RABGAP1L: variants seen among roughly 807,000 people sequenced by gnomAD.
RABGAP1L encodes the protein rab GTPase-activating protein 1-like.
A neutral mutation model predicts 137.7 loss-of-function variants in RABGAP1L; 63 were observed. That is an observed-to-expected ratio of 0.46 (90% CI 0.37 to 0.56). RABGAP1L has a LOEUF of 0.56. Among genes scored for constraint, RABGAP1L ranks in the 20% least tolerant of loss-of-function variants. The pLI, the probability that RABGAP1L is intolerant of heterozygous loss-of-function variation, is 0.00. For synonymous variants in RABGAP1L, 431 were observed against 433.7 expected (o/e 0.99, Z 0.08); for missense variants, 1,095 against 1,244.0 (o/e 0.88, Z 1.80).
At chr1:174,488,858 T>C (rs1558276896) in intron 13 of RABGAP1L, among the ~76,000 whole-genome samples, 1 of 151,998 alleles carries the variant, frequency 6.6e-6, no homozygotes, top group Non-Finnish European at 1.5e-5. Context: ...GTTAATGTGC[T>C]GCACCCATTA....
chr1:174,387,886 AT>A (rs1194180013), intron 12 of RABGAP1L, among the ~76,000 whole-genome samples: 2 of 151,938 alleles, frequency 1.3e-5, no homozygotes, highest in African/African-American at 2.4e-5. Context: ...TACAATTCAA[AT>A]TTTTTTTATT....
intron 19 of RABGAP1L, among the ~76,000 whole-genome samples, chr1:174,886,960 C>T (rs1431967416): frequency 1.3e-5 from 2 of 152,176 alleles, no homozygotes; most frequent in African/African-American, 2.4e-5. Flanking sequence ...GCATGTGCCA[C>T]CACGCCCAGC....
Position 174,860,938 on chromosome 1 carries a change from G to C in RABGAP1L, c.2340+48978G>C, listed in dbSNP as rs534505161. 5.3e-5 allele frequency among the ~76,000 whole-genome samples: 8 copies of C among 152,076 alleles called. No homozygotes were observed. In the East Asian group the frequency reaches 1.5e-3, roughly 29 times the overall value. ...GTGTGTGTGTGTGTGTATGTGTGTG[G>C]TGGGAACACTTATGATCTAGCAAAT... On this transcript the variant is annotated intron_variant, in intron 19 of 25. Coordinates refer to ENST00000681986, the MANE Select transcript of RABGAP1L (RefSeq NM_001366446.1).
rs539874075 is a variant in RABGAP1L, at chr1:174,404,935, A to G, written c.1710+10790A>G. ...AATTCTCTGCTTTCTTGAGCATTAT[A>G]TGGACAGAAAAATTTTCCCTGCATT... On this transcript the variant is annotated intron_variant, in intron 13 of 25. Coordinates refer to ENST00000681986, the MANE Select transcript of RABGAP1L (RefSeq NM_001366446.1). 1.2e-4 allele frequency among the ~76,000 whole-genome samples: 18 copies of G among 152,320 alleles called. No individual in the cohort carries two copies. The South Asian group carries it at 2.3e-3, about 19-fold the overall frequency.
At chr1:174,672,927 C>G (rs951720912) in intron 14 of RABGAP1L, among the ~76,000 whole-genome samples, 1 of 152,104 alleles carries the variant, frequency 6.6e-6, no homozygotes, top group Admixed American at 6.5e-5. Context: ...CTCAGAGTTC[C>G]TAGTTCATGG....
intron 19 of RABGAP1L, among the ~76,000 whole-genome samples, chr1:174,836,368 A>G (rs1354058828): frequency 2.0e-5 from 3 of 152,138 alleles, no homozygotes; most frequent in African/African-American, 7.2e-5. Context: ...CTGACCCAGT[A>G]ATTCATTTCA....
chr1:174,177,353 T>C (rs1571386851), intron 1 of RABGAP1L, among the ~76,000 whole-genome samples: 1 of 152,178 alleles, frequency 6.6e-6, no homozygotes, highest in South Asian at 2.1e-4. Context: ...TAAATTTGTT[T>C]AAGTTTCTTG....
chr1:174,275,825 T>C lies in RABGAP1L; in HGVS notation c.1054-8T>C. The C allele has an allele frequency of 6.2e-7, 1 of 1,604,084 alleles. No individual in the cohort carries two copies. Reference sequence around the variant, plus strand: ...TTTTATCAGTAATTACTGTTTGAATTTTTATAGGAATCCATGGGAAAGAGC... The same window carrying C: ...TTTTATCAGTAATTACTGTTTGAATCTTTATAGGAATCCATGGGAAAGAGC... On this transcript the variant is annotated splice_polypyrimidine_tract_variant and splice_region_variant and intron_variant, in intron 8 of 25. Coordinates refer to ENST00000681986, the MANE Select transcript of RABGAP1L (RefSeq NM_001366446.1).
intron 13 of RABGAP1L, among the ~76,000 whole-genome samples, chr1:174,551,954 C>G (rs1055191914): frequency 6.6e-6 from 1 of 152,028 alleles, no homozygotes; most frequent in East Asian, 1.9e-4. Context: ...TCTTTGAAAA[C>G]CACAGACTAC....
At chr1:174,359,401 A>G (rs1683945124) in intron 11 of RABGAP1L, among the ~76,000 whole-genome samples, 1 of 152,180 alleles carries the variant, frequency 6.6e-6, no homozygotes, top group Non-Finnish European at 1.5e-5. Context: ...GTTTCTTCAG[A>G]GAGGAAGATA....
intron 18 of RABGAP1L, among the ~76,000 whole-genome samples, chr1:174,766,402 C>A (rs1182106348): frequency 1.3e-5 from 2 of 152,192 alleles, no homozygotes; most frequent in East Asian, 3.8e-4. Flanking sequence ...TGTCAAAAAT[C>A]AGTTGACCAT....
At chr1:174,487,760 C>A (rs568902982) in intron 13 of RABGAP1L, among the ~76,000 whole-genome samples, 24 of 152,076 alleles carry the variant, frequency 1.6e-4, no homozygotes, top group African/African-American at 5.1e-4. Flanking sequence ...GATTTAATTT[C>A]TTGCTTTTTA....
At chr1:174,661,699 G>A (rs958606955) in intron 14 of RABGAP1L, among the ~76,000 whole-genome samples, 7 of 152,132 alleles carry the variant, frequency 4.6e-5, no homozygotes, top group Admixed American at 6.5e-5. Flanking sequence ...TGTGTGTCTA[G>A]TAAGATATAC....
intron 10 of RABGAP1L, among the ~76,000 whole-genome samples, chr1:174,287,484 A>T (rs1047252747): frequency 6.6e-6 from 1 of 151,746 alleles, no homozygotes; most frequent in Non-Finnish European, 1.5e-5. Flanking sequence ...CCATTCAGTC[A>T]CTCTATATCT....
chr1:174,457,659 C>T (rs1468405841), intron 13 of RABGAP1L, among the ~76,000 whole-genome samples: 2 of 151,740 alleles, frequency 1.3e-5, no homozygotes, highest in Non-Finnish European at 2.9e-5. Context: ...TGTGCCACCA[C>T]GCCTAGCTAA....
chr1:174,532,914 T>C (rs1300785455), intron 13 of RABGAP1L, among the ~76,000 whole-genome samples: 1 of 152,186 alleles, frequency 6.6e-6, no homozygotes, highest in Non-Finnish European at 1.5e-5. Context: ...ATGATAAATA[T>C]CCATGTATCC....
In RABGAP1L at chr1:174,890,183, A is replaced by G. The variant is rs956021675; in HGVS notation, c.2341-67274A>G. Among the ~76,000 whole-genome samples the G allele has an allele frequency of 4.6e-5, 7 of 152,236 alleles. No individual in the cohort carries two copies. The East Asian group carries it at 9.6e-4, about 21-fold the overall frequency. On this transcript the variant is annotated intron_variant, in intron 19 of 25. Transcript: ENST00000681986. ...TAAGCTTTGAGACATCGTCAAAGAG[A>G]TAACAGTCCAGTTTGGGAGACAGCC...
At chr1:174,661,629 A>G (rs979429820) in intron 14 of RABGAP1L, among the ~76,000 whole-genome samples, 9 of 152,144 alleles carry the variant, frequency 5.9e-5, no homozygotes, top group Non-Finnish European at 1.2e-4. Context: ...TTTTGTTATG[A>G]TTTTTATAGG....
intron 14 of RABGAP1L, among the ~76,000 whole-genome samples, chr1:174,660,636 T>G (rs1318076240): frequency 1.3e-5 from 2 of 152,176 alleles, no homozygotes; most frequent in African/African-American, 4.8e-5. Flanking sequence ...ATGACTATTC[T>G]CTCTATCATG....
Sources: allele counts gnomAD v4.1 joint callset (sites outside exome capture counted in the v4.1 genomes callset), GRCh38; gene constraint gnomAD v4.1.1; transcripts MANE v1.5; gene names NCBI Gene and HGNC (gene_info 2026-07-23, HGNC 2026-07-21).